The following MED23 variants were observed in gnomAD, a reference collection of about 807,000 sequenced individuals.
MED23 encodes the protein mediator of RNA polymerase II transcription subunit 23.
Under a neutral mutation model 163.9 loss-of-function variants are expected in MED23, and 105 were observed. The ratio of observed to expected loss-of-function variants is 0.64; its 90% CI spans 0.55 to 0.75. The LOEUF is 0.75. Among genes scored for constraint, MED23 ranks in the 30% least tolerant of loss-of-function variants. The pLI, the probability that MED23 is intolerant of heterozygous loss-of-function variation, is 0.00. For synonymous variants in MED23, 561 were observed against 565.6 expected, an observed-to-expected ratio of 0.99 and a Z score of 0.12; for missense variants, 1,054 against 1,649.0, an observed-to-expected ratio of 0.64 and a Z score of 6.25.
At chr6:131,583,816 G>C (rs763625573), downstream of MED23, 6 of 1,614,148 alleles carry the variant, frequency 3.7e-6, no homozygotes, top group South Asian at 6.6e-5. Flanking sequence ...AACTCGAACA[G>C]TGAACACAGC....
chr6:131,616,047 C>T (rs1277075989), intron 9 of MED23, 45 bp from the exon 10 acceptor site: 2 of 1,434,334 alleles, frequency 1.4e-6, no homozygotes, highest in South Asian at 2.3e-5. Flanking sequence ...TCAATGTCAA[C>T]ATTAATCCAA....
chr6:131,602,946 A>G (rs1385427807), intron 16 of MED23, 84 bp downstream of exon 16: 6 of 1,345,962 alleles, frequency 4.5e-6, no homozygotes, highest in Non-Finnish European at 6.2e-6. Context: ...AAAAAACTAT[A>G]AGGTAAAGGT....
At chr6:131,574,213 G>A in exon 31 of MED23, 2 of 1,534,972 alleles carry the variant, frequency 1.3e-6, no homozygotes, top group South Asian at 2.2e-5. Flanking sequence ...TACTAAGGTT[G>A]ATTTTCTCCA....
downstream of MED23, chr6:131,584,055 G>A: frequency 2.2e-6 from 2 of 889,168 alleles, no homozygotes; most frequent in African/African-American, 1.7e-5. Flanking sequence ...ATTCCCTCTT[G>A]GTGTAAAATT....
chr6:131,590,172 A>T, intron 27 of MED23, 150 bp downstream of exon 27: 2 of 671,432 alleles, frequency 3.0e-6, no homozygotes, highest in Non-Finnish European at 5.2e-6. Flanking sequence ...ATTACTGGCA[A>T]ACTAAGTCCT....
chr6:131,625,975 A>G (rs1283104532), intron 3 of MED23, among the ~76,000 whole-genome samples: 1 of 151,674 alleles, frequency 6.6e-6, no homozygotes, highest in Non-Finnish European at 1.5e-5. Context: ...ACAAAAAATG[A>G]GCCGGGCGTG....
downstream of MED23, among the ~76,000 whole-genome samples, chr6:131,584,992 C>T (rs1231417702): frequency 7.1e-6 from 1 of 140,052 alleles, no homozygotes; most frequent in Admixed American, 7.4e-5. Context: ...GAATGAGACC[C>T]TGAAAAAAAA....
rs554750441 is a variant in MED23 at position 131,625,033 on chromosome 6, T to C, written c.160-44A>G. ...ATTTTACTTGGGGTCTAAAGTTACATTTTTATAACCAATAGCTAATACTAC... is the reference window on the plus strand; with the variant it reads ...ATTTTACTTGGGGTCTAAAGTTACACTTTTATAACCAATAGCTAATACTAC... On this transcript the variant is annotated intron_variant, in intron 3 of 28. Transcript: ENST00000368068. 40 of 1,597,438 alleles carry C rather than the reference T, an allele frequency of 2.5e-5. 1 individual carries two copies. The Middle Eastern group carries it at 5.0e-4, about 20-fold the overall frequency.
At chr6:131,589,920 T>C (rs187876163) in intron 27 of MED23, among the ~76,000 whole-genome samples, 236 of 152,302 alleles carry the variant, frequency 1.5e-3, no homozygotes, top group African/African-American at 5.3e-3. Flanking sequence ...CTCCTAGGGA[T>C]CCTTTGGATT....
In MED23 at chr6:131,590,322, C is replaced by A; in HGVS notation, c.3807G>T (p.Glu1269Asp). ...FQQERTRCMI[E>D]IGVAFYDMLL... ...ACAGGAAACCCAGATTATATTTTAC[C>A]TCTATCATACAACGAGTTCTCTCTT... The change falls in exon 27 of 29, where the codon GAG (glutamate) becomes GAT (aspartate). Residue 1269 changes from glutamate to aspartate, a missense_variant and splice_region_variant. Glu to Asp is a conservative substitution (Grantham distance 45, BLOSUM62 2). Around this residue, in one of 11 missense-constraint regions of MED23, gnomAD observed 362 missense variants for 471.6 expected, o/e 0.77. Transcript: ENST00000368068. The A allele has an allele frequency of 6.2e-7, 1 of 1,611,498 alleles. No individual in the cohort carries two copies.
chr6:131,615,561 A>G (rs1776625175), intron 10 of MED23: 1 of 525,376 alleles, frequency 1.9e-6, no homozygotes, highest in Admixed American at 3.4e-5. Flanking sequence ...CGCTGAAGAT[A>G]CCAAGGGTTA....
Position 131,590,339 on chromosome 6 carries a change from T to C in MED23, c.3790A>G (p.Thr1264Ala), listed in dbSNP as rs1774507646. The C allele has an allele frequency of 6.2e-7, 1 of 1,612,598 alleles. No homozygotes were observed. The highest frequency in any genetic ancestry group is 8.5e-7 in the Non-Finnish European group (1 of 1,178,936). The stretch of plus-strand genomic sequence containing the variant: ...TATTTTACCTCTATCATACAACGAG[T>C]TCTCTCTTGCTGAAATCTTTGTAAA... ...PFLQRFQQER[T>A]RCMIEIGVAF... The change falls in exon 27 of 29, where the codon ACT (threonine) becomes GCT (alanine). Residue 1264 changes from threonine to alanine, a missense_variant. Transcript: ENST00000368068.
At chr6:131,621,784 C>T in intron 6 of MED23, 97 bp downstream of exon 6, 1 of 619,814 alleles carries the variant, frequency 1.6e-6, no homozygotes. Flanking sequence ...AGAAATAGAG[C>T]ATCTCACAAA....
chr6:131,587,693 G>A lies in MED23; in HGVS notation c.4093C>T (p.Pro1365Ser). The A allele has an allele frequency of 1.2e-6, 2 of 1,614,092 alleles. No homozygotes were observed. The highest frequency in any genetic ancestry group is 1.7e-6 in the Non-Finnish European group (2 of 1,179,986). Residue 1365 changes from proline to serine, a missense_variant, in exon 29 of 29, where the codon CCA (proline) becomes TCA (serine). Coordinates refer to ENST00000368068, the MANE Select transcript of MED23 (RefSeq NM_004830.4). ...ACAGTCTGGCTTCACTGAGTTACTG[G>A]TAAAGACACGGGCACCTGATTAGAC... ...PQSNQVPVSL[P>S]VTQ
At position 131,593,950 on chromosome 6, in the gene MED23, C is replaced by T. The variant is rs1375349986; in HGVS notation, c.3232+149G>A. On this transcript the variant is annotated intron_variant, in intron 23 of 28. Transcript: ENST00000368068. ...GCATGATGCTGTTAATTTAAGATTT[C>T]AAATCTTTACAGAGATGAAAATGGA... 9.2e-6 allele frequency: 6 copies of T among 651,204 alleles called. No homozygotes were observed. In the Admixed American group the frequency reaches 1.5e-4, roughly 17 times the overall value. 40.3% of individuals were successfully genotyped at this position (651,204 alleles called of 1,614,324 possible).
intron 10 of MED23, among the ~76,000 whole-genome samples, chr6:131,615,529 A>G (rs1776618155): frequency 6.7e-6 from 1 of 148,910 alleles, no homozygotes; most frequent in South Asian, 2.1e-4. Context: ...AAAAAAAAAA[A>G]AAAAAATCAG....
In MED23 at chr6:131,624,854, A is replaced by G. The variant is rs1777367953; in HGVS notation, c.284+11T>C. 2 of 1,613,648 alleles carry G rather than the reference A, an allele frequency of 1.2e-6. No individual in the cohort carries two copies. The highest frequency in any genetic ancestry group is 1.1e-5 in the South Asian group (1 of 91,096). ...AAAATTCTTCAGATTGCTCATACCC[A>G]TTAAACGTACCTGGGTGGAAGGAGA... On this transcript the variant is annotated intron_variant, in intron 4 of 28. Transcript: ENST00000368068.
At chr6:131,615,844 AAAGAG>A (rs748158024) in intron 10 of MED23, 58 bp downstream of exon 10, 8 of 1,243,746 alleles carry the variant, frequency 6.4e-6, no homozygotes, top group African/African-American at 1.5e-5. Flanking sequence ...ATAGCAAAGA[AAAGAG>A]AAAAGAATAG....
chr6:131,624,068 G>A (rs889960587), intron 4 of MED23, among the ~76,000 whole-genome samples: 8 of 151,940 alleles, frequency 5.3e-5, no homozygotes, highest in African/African-American at 1.7e-4. Context: ...TAAAGCTTTC[G>A]GTTAGATGTT....
Sources: allele counts gnomAD v4.1 joint callset (sites outside exome capture counted in the v4.1 genomes callset), GRCh38; gene constraint gnomAD v4.1.1; regional missense constraint gnomAD v4.1.1; transcripts MANE v1.5; gene names NCBI Gene and HGNC (gene_info 2026-07-23, HGNC 2026-07-21).